Variants in PADI4 observed in about 807,000 individuals in gnomAD.
PADI4 encodes peptidyl arginine deiminase 4, also known as protein-arginine deiminase type-4.
A neutral mutation model predicts 75.0 loss-of-function variants in PADI4; 62 were observed. That is an observed-to-expected ratio of 0.83 (90% CI 0.67 to 1.02). PADI4 has a LOEUF of 1.02. PADI4 is among the 50% of genes least tolerant of loss of function. PADI4 has a pLI of 0.00. For synonymous variants in PADI4, 361 were observed against 348.1 expected, an observed-to-expected ratio of 1.04 and a Z score of -0.41; for missense variants, 845 against 850.5, an observed-to-expected ratio of 0.99 and a Z score of 0.08.
intron 6 of PADI4, among the ~76,000 whole-genome samples, chr1:17,341,411 A>G (rs1036034046): frequency 2.0e-5 from 3 of 152,084 alleles, no homozygotes; most frequent in South Asian, 4.1e-4. Context: ...TTTCATTCTT[A>G]AAGTGATTAA....
rs1365999002 is a variant in PADI4, at chr1:17,352,006, T to C, written c.1156-2527T>C. 9.7e-3 allele frequency among the ~76,000 whole-genome samples: 100 copies of C among 10,356 alleles called. 6 individuals are homozygous for C. The highest frequency in any genetic ancestry group is 0.036 in the African/African-American group (56 of 1,538). 6.8% of individuals were successfully genotyped at this position (10,356 alleles called of 152,430 possible). On this transcript the variant is annotated intron_variant, in intron 10 of 15. Coordinates refer to ENST00000375448, the MANE Select transcript of PADI4 (RefSeq NM_012387.3). ...GGAGGAGAGGCAGTCAGGGAGGTGA[T>C]GGGAGGAGAGGCGGCCAGGGAGGTG...
Position 17,338,124 on chromosome 1 carries a change from C to A in PADI4, c.495C>A (p.Asp165Glu). Residue 165 changes from aspartate to glutamate, a missense_variant, in exon 5 of 16, where the codon GAC becomes GAA. Transcript: ENST00000375448. ...DRDNLESSAM[D>E]CEDDEVLDSE... Reference sequence around the variant, plus strand: ...ACAATCTCGAATCTTCTGCCATGGACTGCGAGGATGATGAAGTGCTTGACA... The same window carrying A: ...ACAATCTCGAATCTTCTGCCATGGAATGCGAGGATGATGAAGTGCTTGACA... The A allele has an allele frequency of 6.2e-7, 1 of 1,612,600 alleles. No homozygotes were observed. Among genetic ancestry groups the A allele is most frequent in the Non-Finnish European group, 8.5e-7 (1 of 1,178,792 alleles).
rs79614405 is a variant in PADI4 at position 17,308,208 on chromosome 1, C to A, written c.-15C>A. 9.9e-6 allele frequency: 16 copies of A among 1,611,314 alleles called. No homozygotes were observed. Among genetic ancestry groups the A allele is most frequent in the South Asian group, 5.5e-5 (5 of 91,034 alleles). ...CAGGGGCTTCCTACAGCCAGAGGGA[C>A]GAGCTAGCCCGACGATGGCCCAGGG... On this transcript the variant is annotated 5_prime_UTR_variant, in exon 1 of 16. Transcript: ENST00000375448.
intron 3 of PADI4, chr1:17,334,693 T>G (rs898800949): frequency 2.2e-6 from 1 of 451,904 alleles, no homozygotes; most frequent in African/African-American, 2.0e-5. Context: ...TTCCTCAAAT[T>G]CCATTATTTA....
At chr1:17,355,958 C>T (rs1355571562) in intron 11 of PADI4, 25 bp from the exon 12 acceptor site, 1 of 1,613,990 alleles carries the variant, frequency 6.2e-7, no homozygotes, top group Admixed American at 1.7e-5. Flanking sequence ...CTGCCGATAA[C>T]ACCCCTTTAA....
rs917800895 is a variant in PADI4, at chr1:17,346,512, C to T, written c.1047+373C>T. Among the ~76,000 whole-genome samples, 8 of 152,204 alleles carry T rather than the reference C, an allele frequency of 5.3e-5. No individual in the cohort carries two copies. The highest frequency in any genetic ancestry group is 8.8e-5 in the Non-Finnish European group (6 of 68,030). On this transcript the variant is annotated intron_variant, in intron 9 of 15. Transcript: ENST00000375448. The surrounding 1 kb of genome is among the most constrained non-coding windows in gnomAD (Gnocchi z 4.3). ...AAAGCAGGTCACACCCCAGCTCCAG[C>T]ACTTTCCATGGCTCCCATCTCCTCC...
At chr1:17,338,569 C>T (rs2477152) in intron 5 of PADI4, among the ~76,000 whole-genome samples, 96,913 of 152,076 alleles carry the variant, frequency 0.64, 31,105 homozygotes, top group Non-Finnish European at 0.67. Context: ...ATTAACTCAT[C>T]TGATCTTCCA....
intron 8 of PADI4, among the ~76,000 whole-genome samples, chr1:17,345,499 A>G (rs1307317622): frequency 1.3e-5 from 2 of 152,090 alleles, no homozygotes; most frequent in Admixed American, 1.3e-4. Flanking sequence ...TCCCCACCCA[A>G]ATCTCATCTT....
chr1:17,311,092 G>A (rs567644293), intron 1 of PADI4, among the ~76,000 whole-genome samples: 18 of 145,974 alleles, frequency 1.2e-4, no homozygotes, highest in African/African-American at 2.9e-4. Flanking sequence ...GTGAGTCTCC[G>A]TCTCAAAAAA....
At chr1:17,308,389 G>T in intron 1 of PADI4, 75 bp downstream of exon 1, 1 of 1,181,628 alleles carries the variant, frequency 8.5e-7, no homozygotes, top group Non-Finnish European at 1.2e-6. Context: ...TGACACAGGA[G>T]CATGTGTTTG....
At chr1:17,310,681 C>T (rs2073807344) in intron 1 of PADI4, among the ~76,000 whole-genome samples, 1 of 152,122 alleles carries the variant, frequency 6.6e-6, no homozygotes, top group Admixed American at 6.5e-5. Context: ...AGGTGGCAAG[C>T]TGGGCACGGT....
chr1:17,326,905 T>TTTG (rs1491187640), intron 1 of PADI4, among the ~76,000 whole-genome samples: 2 of 11,336 alleles, frequency 1.8e-4, no homozygotes, highest in Non-Finnish European at 3.6e-4. Context: ...CCTTATATGC[T>TTTG]TTTTTTTTTT....
chr1:17,360,909 C>T (rs956991544), intron 15 of PADI4, among the ~76,000 whole-genome samples: 3 of 143,956 alleles, frequency 2.1e-5, no homozygotes, highest in Admixed American at 7.6e-5. Context: ...TTGTCTTGAG[C>T]GTTCACCGTG....
chr1:17,333,059 G>T (rs1226676214), intron 2 of PADI4, among the ~76,000 whole-genome samples: 1 of 152,170 alleles, frequency 6.6e-6, no homozygotes, highest in East Asian at 1.9e-4. Context: ...CTCATTTTCT[G>T]CAAACAACAG....
intron 15 of PADI4, among the ~76,000 whole-genome samples, chr1:17,362,159 C>T (rs1335832780): frequency 1.3e-5 from 2 of 152,014 alleles, no homozygotes; most frequent in Non-Finnish European, 2.9e-5. Flanking sequence ...GGGAGGATTG[C>T]TTGAGTCCAG....
At chr1:17,361,355 C>G (rs928917927) in intron 15 of PADI4, among the ~76,000 whole-genome samples, 10 of 152,234 alleles carry the variant, frequency 6.6e-5, no homozygotes, top group African/African-American at 2.4e-4. Flanking sequence ...ACGCCCGCGG[C>G]TATGGTAGTC....
At chr1:17,327,177 TG>T (rs1051296891) in intron 1 of PADI4, among the ~76,000 whole-genome samples, 1 of 152,172 alleles carries the variant, frequency 6.6e-6, no homozygotes, top group Non-Finnish European at 1.5e-5. Flanking sequence ...CCTCCCAATG[TG>T]TTGGTATGAG....
At chr1:17,349,741 C>CAAAAA (rs548756900) in intron 10 of PADI4, among the ~76,000 whole-genome samples, 2 of 110,136 alleles carry the variant, frequency 1.8e-5, no homozygotes, top group Non-Finnish European at 4.1e-5. Flanking sequence ...AAAACAACAA[C>CAAAAA]AAAAAACACC....
chr1:17,344,633 A>C (rs2074482621), intron 8 of PADI4, among the ~76,000 whole-genome samples: 1 of 152,182 alleles, frequency 6.6e-6, no homozygotes, highest in South Asian at 2.1e-4. Flanking sequence ...AGCCATGGCT[A>C]AAAGGGGCCA....
Sources: allele counts gnomAD v4.1 joint callset (sites outside exome capture counted in the v4.1 genomes callset), GRCh38; gene constraint gnomAD v4.1.1; non-coding constraint Gnocchi (gnomAD v3.1); transcripts MANE v1.5; gene names NCBI Gene and HGNC (gene_info 2026-07-23, HGNC 2026-07-21).